Variants in PLPP4 observed in about 807,000 individuals in gnomAD.
PLPP4 encodes the protein diacylglycerol pyrophosphate like 2.
PLPP4 carries 20 observed loss-of-function variants against 32.2 expected under a neutral mutation model. That is an observed-to-expected ratio of 0.62 (90% CI 0.44 to 0.90). The LOEUF is 0.90. Ranked by LOEUF, PLPP4 falls within the 40% of genes least tolerant of loss-of-function variation. The pLI, the probability that PLPP4 is intolerant of heterozygous loss-of-function variation, is 0.00. For missense variants in PLPP4, 257 were observed against 353.1 expected, an observed-to-expected ratio of 0.73 and a Z score of 2.18; for synonymous variants, 127 against 133.0, an observed-to-expected ratio of 0.95 and a Z score of 0.31.
At chr10:120,543,040 C>A (rs955704875) in intron 5 of PLPP4, among the ~76,000 whole-genome samples, 1 of 152,142 alleles carries the variant, frequency 6.6e-6, no homozygotes, top group Admixed American at 6.5e-5. Context: ...ACACCCATCC[C>A]CAGGACGGTG....
intron 6 of PLPP4, among the ~76,000 whole-genome samples, chr10:120,586,117 TTTTC>T (rs146359672): frequency 0.24 from 29,727 of 122,144 alleles, 3,470 homozygotes; most frequent in Non-Finnish European, 0.29. Context: ...TTTTTTTCTC[TTTTC>T]TTTTTCTTTT....
chr10:120,537,703 G>A (rs1198474328), intron 5 of PLPP4, among the ~76,000 whole-genome samples: 6 of 152,100 alleles, frequency 3.9e-5, no homozygotes, highest in Non-Finnish European at 8.8e-5. Flanking sequence ...CTCCCCCAAA[G>A]GTAACTATGT....
chr10:120,516,879 A>G (rs1289612273), intron 3 of PLPP4, among the ~76,000 whole-genome samples: 1 of 152,182 alleles, frequency 6.6e-6, no homozygotes, highest in East Asian at 1.9e-4. Context: ...TCCAGTAAAA[A>G]TATTAAGCAG....
At chr10:120,462,509 T>C (rs1848101687) in intron 1 of PLPP4, among the ~76,000 whole-genome samples, 1 of 152,226 alleles carries the variant, frequency 6.6e-6, no homozygotes, top group Admixed American at 6.5e-5. Context: ...CACTGCGTTG[T>C]GGTCAGCCAT....
chr10:120,500,340 G>T (rs1297304175), intron 1 of PLPP4, among the ~76,000 whole-genome samples: 2 of 152,190 alleles, frequency 1.3e-5, no homozygotes, highest in Non-Finnish European at 2.9e-5. Flanking sequence ...CTCACAGAGT[G>T]GGGGTGTGTG....
rs192061761 is a variant in PLPP4 at position 120,481,190 on chromosome 10, A to G, written c.57-22628A>G. On this transcript the variant is annotated intron_variant, in intron 1 of 6. Transcript: ENST00000398250. ...ACACTGTTGGATCTTGTACCCCTGT[A>G]GGCCATCCAGGAGTGGCAGCTTTCT... Among the ~76,000 whole-genome samples the G allele has an allele frequency of 7.2e-5, 11 of 152,332 alleles. No individual in the cohort carries two copies. In the East Asian group the frequency reaches 1.9e-3, roughly 27 times the overall value.
intron 5 of PLPP4, among the ~76,000 whole-genome samples, chr10:120,567,566 G>T (rs1030068540): frequency 6.6e-6 from 1 of 152,216 alleles, no homozygotes; most frequent in South Asian, 2.1e-4. Context: ...TTTCAAAGAA[G>T]TTAGCAAGTG....
chr10:120,517,384 G>A (rs966730205), intron 3 of PLPP4, among the ~76,000 whole-genome samples: 1 of 152,214 alleles, frequency 6.6e-6, no homozygotes, highest in East Asian at 1.9e-4. Flanking sequence ...TTGGAGACAG[G>A]CCTCTCCACA....
At chr10:120,557,343 G>GGC (rs1449449149) in intron 5 of PLPP4, among the ~76,000 whole-genome samples, 1 of 152,018 alleles carries the variant, frequency 6.6e-6, no homozygotes, top group Non-Finnish European at 1.5e-5. Context: ...ATGCTCCCTG[G>GGC]GCTCTCTCTT....
chr10:120,523,887 T>TG (rs1846277528), intron 5 of PLPP4, among the ~76,000 whole-genome samples: 2 of 152,206 alleles, frequency 1.3e-5, no homozygotes, highest in Non-Finnish European at 2.9e-5. Context: ...TATCTCAAGC[T>TG]GTCAGACTAC....
intron 5 of PLPP4, among the ~76,000 whole-genome samples, chr10:120,553,797 G>A (rs531369125): frequency 1.3e-4 from 20 of 152,334 alleles, no homozygotes; most frequent in African/African-American, 4.6e-4. Flanking sequence ...GTGGCCATGA[G>A]GCTGAGTGCC....
intron 3 of PLPP4, among the ~76,000 whole-genome samples, chr10:120,515,603 C>T (rs1312445103): frequency 2.0e-5 from 3 of 152,158 alleles, no homozygotes; most frequent in African/African-American, 7.2e-5. Flanking sequence ...CGCAGGCTGC[C>T]CTTGTGTGGC....
At chr10:120,466,161 C>T (rs932773530) in intron 1 of PLPP4, among the ~76,000 whole-genome samples, 6 of 152,178 alleles carry the variant, frequency 3.9e-5, no homozygotes, top group South Asian at 4.1e-4. Flanking sequence ...ATCTGCTGAG[C>T]AGCTACCTTG....
intron 5 of PLPP4, among the ~76,000 whole-genome samples, chr10:120,547,283 G>C (rs4752431): frequency 0.05 from 7,597 of 151,938 alleles, 287 homozygotes; most frequent in Non-Finnish European, 0.074. Flanking sequence ...GAAATCTCTA[G>C]AAATTAGAGG....
rs181123490 is a variant in PLPP4 at position 120,483,567 on chromosome 10, A to G, written c.57-20251A>G. 4.0e-4 allele frequency among the ~76,000 whole-genome samples: 61 copies of G among 152,282 alleles called. 1 individual carries two copies. In the East Asian group the frequency reaches 0.011, roughly 28 times the overall value. The stretch of plus-strand genomic sequence containing the variant: ...AATCCCTGCAGTGATGGGGCCCTGG[A>G]ATAGAAGATTCTGTGATTTGAATAT... On this transcript the variant is annotated intron_variant, in intron 1 of 6. Coordinates refer to ENST00000398250, the MANE Select transcript of PLPP4 (RefSeq NM_001030059.3).
chr10:120,486,677 A>G (rs933747727), intron 1 of PLPP4, among the ~76,000 whole-genome samples: 7 of 152,182 alleles, frequency 4.6e-5, no homozygotes, highest in African/African-American at 1.7e-4. Flanking sequence ...ACATCGACAG[A>G]CGTTTTTGCC....
chr10:120,565,314 T>G (rs1848637759), intron 5 of PLPP4, among the ~76,000 whole-genome samples: 1 of 107,926 alleles, frequency 9.3e-6, no homozygotes, highest in African/African-American at 3.6e-5. Flanking sequence ...TTTGTTTGTG[T>G]GGTGTGTGTG....
At chr10:120,538,772 G>T (rs1165603491) in intron 5 of PLPP4, among the ~76,000 whole-genome samples, 1 of 152,182 alleles carries the variant, frequency 6.6e-6, no homozygotes, top group Non-Finnish European at 1.5e-5. Flanking sequence ...CAGGTTTTGT[G>T]TTAAGGGCCT....
chr10:120,514,117 G>T (rs747669857), intron 3 of PLPP4, 116 bp downstream of exon 3: 4 of 816,082 alleles, frequency 4.9e-6, no homozygotes, highest in African/African-American at 3.4e-5. Flanking sequence ...AATTAAGCTG[G>T]GGAGGAACAA....
Sources: gnomAD v4.1 joint callset for allele counts (sites outside exome capture counted in the v4.1 genomes callset) on GRCh38, gnomAD v4.1.1 for gene constraint, MANE v1.5 for transcripts, NCBI Gene and HGNC (gene_info 2026-07-23, HGNC 2026-07-21) for gene names.